The following PLCE1 variants were observed in gnomAD, a reference collection of about 807,000 sequenced individuals.
PLCE1 encodes the protein phospholipase C epsilon 1.
PLCE1 carries 119 observed loss-of-function variants against 242.8 expected under a neutral mutation model. That is an observed-to-expected ratio of 0.49 (90% CI 0.42 to 0.57). PLCE1 has a LOEUF of 0.57. Ranked by LOEUF, PLCE1 falls within the 20% of genes least tolerant of loss-of-function variation. The pLI, the probability that PLCE1 is intolerant of heterozygous loss-of-function variation, is 0.00. For synonymous variants in PLCE1, 945 were observed against 1,017.4 expected (o/e 0.93, Z 1.35); for missense variants, 2,441 against 2,788.8 (o/e 0.88, Z 2.81).
intron 4 of PLCE1, among the ~76,000 whole-genome samples, chr10:94,201,103 A>G (rs2048973002): frequency 6.6e-6 from 1 of 152,192 alleles, no homozygotes. Context: ...TGCATCAATA[A>G]TATTTTATTA....
At chr10:94,100,871 G>A (rs1298875002) in intron 2 of PLCE1, among the ~76,000 whole-genome samples, 4 of 152,300 alleles carry the variant, frequency 2.6e-5, no homozygotes, top group Non-Finnish European at 4.4e-5. Context: ...GGGGCCACAG[G>A]GGAGGGTTCC....
intron 9 of PLCE1, among the ~76,000 whole-genome samples, chr10:94,253,705 C>T (rs1214753767): frequency 2.6e-5 from 4 of 152,136 alleles, no homozygotes; most frequent in Non-Finnish European, 5.9e-5. Context: ...CTAGAACTCA[C>T]TCATCACCAA....
At chr10:94,271,635 A>G (rs1234460238) in intron 18 of PLCE1, among the ~76,000 whole-genome samples, 3 of 152,108 alleles carry the variant, frequency 2.0e-5, no homozygotes. Context: ...CTTATACCAC[A>G]GTACAAAGAT....
intron 32 of PLCE1, among the ~76,000 whole-genome samples, chr10:94,326,497 C>A (rs990632126): frequency 6.6e-6 from 1 of 152,200 alleles, no homozygotes; most frequent in African/African-American, 2.4e-5. Flanking sequence ...ATGTTATACA[C>A]ACCTCTATAA....
At chr10:94,232,545 A>G (rs898398368) in intron 5 of PLCE1, among the ~76,000 whole-genome samples, 6 of 152,112 alleles carry the variant, frequency 3.9e-5, no homozygotes, top group African/African-American at 9.7e-5. Flanking sequence ...ACAGAGACCA[A>G]TGGAGGGTGC....
At chr10:94,288,646 G>A (rs969741747) in intron 22 of PLCE1, among the ~76,000 whole-genome samples, 1 of 152,122 alleles carries the variant, frequency 6.6e-6, no homozygotes, top group Admixed American at 6.5e-5. Context: ...ATTCTGAGGG[G>A]GATTTTGCCT....
chr10:94,183,833 G>A (rs1175437223), intron 4 of PLCE1, among the ~76,000 whole-genome samples: 3 of 152,092 alleles, frequency 2.0e-5, no homozygotes, highest in Non-Finnish European at 2.9e-5. Context: ...AAAGGGGGAT[G>A]TCCCAGACTC....
chr10:94,235,039 T>A (rs2050267651), intron 6 of PLCE1, among the ~76,000 whole-genome samples: 1 of 148,154 alleles, frequency 6.7e-6, no homozygotes, highest in Non-Finnish European at 1.5e-5. Context: ...CCTGCCATGA[T>A]GACAGAACCT....
At chr10:94,018,873 G>T (rs1409216521) in intron 1 of PLCE1, among the ~76,000 whole-genome samples, 1 of 152,138 alleles carries the variant, frequency 6.6e-6, no homozygotes, top group Admixed American at 6.5e-5. Flanking sequence ...TAAGGAAAAT[G>T]ATCACATATA....
intron 8 of PLCE1, among the ~76,000 whole-genome samples, chr10:94,251,240 A>G (rs1462725231): frequency 1.3e-5 from 2 of 152,190 alleles, no homozygotes; most frequent in South Asian, 2.1e-4. Flanking sequence ...TTTCTTTGTC[A>G]AGTACCCAAG....
intron 2 of PLCE1, among the ~76,000 whole-genome samples, chr10:94,077,299 G>A (rs1355131209): frequency 6.6e-6 from 1 of 152,186 alleles, no homozygotes; most frequent in African/African-American, 2.4e-5. Flanking sequence ...CAGAGATGTT[G>A]CTAAATATTC....
At chr10:94,075,352 C>A (rs896385600) in intron 2 of PLCE1, among the ~76,000 whole-genome samples, 72 of 152,258 alleles carry the variant, frequency 4.7e-4, no homozygotes, top group African/African-American at 1.7e-3. Context: ...ATCAATAAGA[C>A]ATTGAAAAAA....
intron 5 of PLCE1, among the ~76,000 whole-genome samples, chr10:94,229,951 C>T (rs887782491): frequency 3.3e-5 from 5 of 152,170 alleles, no homozygotes; most frequent in African/African-American, 1.2e-4. Flanking sequence ...TCTTATGATG[C>T]AATGATTATG....
At chr10:94,263,148 G>A (rs1171595972) in intron 14 of PLCE1, among the ~76,000 whole-genome samples, 1 of 152,114 alleles carries the variant, frequency 6.6e-6, no homozygotes, top group Non-Finnish European at 1.5e-5. Flanking sequence ...GGGATTACAG[G>A]CGTGAGCCAC....
At chr10:94,310,736 G>T (rs1006250613) in intron 27 of PLCE1, among the ~76,000 whole-genome samples, 6 of 152,056 alleles carry the variant, frequency 3.9e-5, no homozygotes, top group Admixed American at 3.9e-4. Flanking sequence ...TTTTACTCAC[G>T]ACACTTCTGA....
chr10:94,210,867 C>T (rs1048916964), intron 4 of PLCE1, among the ~76,000 whole-genome samples: 3 of 152,214 alleles, frequency 2.0e-5, no homozygotes, highest in Non-Finnish European at 4.4e-5. Flanking sequence ...CTCCTGTTTT[C>T]CTTGTTGGGG....
intron 4 of PLCE1, among the ~76,000 whole-genome samples, chr10:94,179,946 A>G (rs2048257668): frequency 6.6e-6 from 1 of 152,150 alleles, no homozygotes; most frequent in African/African-American, 2.4e-5. Context: ...CAAAAAAAAA[A>G]AAAACCACTA....
At chr10:94,207,983 T>C (rs935731111) in intron 4 of PLCE1, among the ~76,000 whole-genome samples, 2 of 152,172 alleles carry the variant, frequency 1.3e-5, no homozygotes, top group Non-Finnish European at 2.9e-5. Context: ...CTAATAAATA[T>C]AAAAATAATG....
chr10:94,140,414 A>T (rs2046920512), intron 3 of PLCE1, among the ~76,000 whole-genome samples: 1 of 151,674 alleles, frequency 6.6e-6, no homozygotes, highest in Non-Finnish European at 1.5e-5. Flanking sequence ...GTGGTGGCAT[A>T]CACCTGCAGT....
Sources: gnomAD v4.1 joint callset for allele counts (sites outside exome capture counted in the v4.1 genomes callset) on GRCh38, gnomAD v4.1.1 for gene constraint, MANE v1.5 for transcripts, NCBI Gene and HGNC (gene_info 2026-07-23, HGNC 2026-07-21) for gene names.